ZDHHC18: variants seen among roughly 807,000 people sequenced by gnomAD.
ZDHHC18 encodes zDHHC palmitoyltransferase 18.
A neutral mutation model predicts 37.5 loss-of-function variants in ZDHHC18; 23 were observed. The ratio of observed to expected loss-of-function variants is 0.61; its 90% CI spans 0.44 to 0.87. The LOEUF is 0.87. ZDHHC18 is among the 40% of genes least tolerant of loss of function. The pLI is 0.00. For synonymous variants in ZDHHC18, 185 were observed against 218.7 expected, an observed-to-expected ratio of 0.85 and a Z score of 1.36; for missense variants, 406 against 525.6, an observed-to-expected ratio of 0.77 and a Z score of 2.22.
At chr1:26,840,501 C>CACAGTCATACCTCACT (rs1373338155) in intron 2 of ZDHHC18, among the ~76,000 whole-genome samples, 1 of 151,992 alleles carries the variant, frequency 6.6e-6, no homozygotes, top group African/African-American at 2.4e-5. Context: ...AGTGCAGTGG[C>CACAGTCATACCTCACT]GCGATTTCGG....
Position 26,855,292 on chromosome 1 carries a change from G to A in ZDHHC18, c.*1449G>A, listed in dbSNP as rs1275769090. The A allele has an allele frequency of 2.6e-5, 4 of 152,436 alleles. No homozygotes were observed. Among genetic ancestry groups the A allele is most frequent in the Non-Finnish European group, 5.9e-5 (4 of 68,166 alleles). The allele number at this position is 152,436 out of a possible 1,614,324, so 9.4% of individuals were successfully genotyped here. ...TCTGCCAAACGGGGACCTCCATCCA[G>A]AGAAAAGGAAGAAGGTGCAGGGTGG... On this transcript the variant is annotated 3_prime_UTR_variant, in exon 8 of 8. Coordinates refer to ENST00000374142, the MANE Select transcript of ZDHHC18 (RefSeq NM_032283.3).
intron 2 of ZDHHC18, among the ~76,000 whole-genome samples, chr1:26,842,996 C>G (rs969991688): frequency 2.6e-5 from 4 of 152,198 alleles, no homozygotes; most frequent in Admixed American, 1.3e-4. Context: ...TTCAGGTTCT[C>G]TGTGCCCTGG....
At chr1:26,833,536 C>T (rs569255560) in intron 2 of ZDHHC18, among the ~76,000 whole-genome samples, 5 of 152,180 alleles carry the variant, frequency 3.3e-5, no homozygotes, top group African/African-American at 9.6e-5. Context: ...ACAGCCTGGG[C>T]GTGTGTGAGG....
chr1:26,857,421 T>G lies in ZDHHC18; in HGVS notation c.*3578T>G, dbSNP rs760089. On this transcript the variant is annotated 3_prime_UTR_variant, in exon 8 of 8. Transcript: ENST00000374142. Reference sequence around the variant, plus strand: ...GTAGGATGTAGGGAGGGTGCGTGCCTCCTTTGCTCTAGGCACTGAGGGACC... The same window carrying G: ...GTAGGATGTAGGGAGGGTGCGTGCCGCCTTTGCTCTAGGCACTGAGGGACC... 1 of 152,080 alleles carries G rather than the reference T, an allele frequency of 6.6e-6. No individual in the cohort carries two copies. The highest frequency in any genetic ancestry group is 2.4e-5 in the African/African-American group (1 of 41,362). 9.4% of individuals were successfully genotyped at this position (152,080 alleles called of 1,614,324 possible).
At chr1:26,842,642 C>A (rs1362174443) in intron 2 of ZDHHC18, among the ~76,000 whole-genome samples, 2 of 152,226 alleles carry the variant, frequency 1.3e-5, no homozygotes, top group Non-Finnish European at 2.9e-5. Flanking sequence ...AAATCCCCCA[C>A]CCTTCTTCAT....
chr1:26,837,284 T>C (rs1191123871), intron 2 of ZDHHC18, among the ~76,000 whole-genome samples: 1 of 146,878 alleles, frequency 6.8e-6, no homozygotes, highest in Admixed American at 6.8e-5. Flanking sequence ...ATATAAAATA[T>C]ACATTTATAT....
chr1:26,830,664 C>T (rs899098795), intron 1 of ZDHHC18, among the ~76,000 whole-genome samples: 3 of 152,142 alleles, frequency 2.0e-5, no homozygotes, highest in East Asian at 1.9e-4. Flanking sequence ...AGTTATTTAC[C>T]GGGTACGTCC....
At chr1:26,827,719 C>A (rs532070582) in intron 1 of ZDHHC18, among the ~76,000 whole-genome samples, 132 of 152,310 alleles carry the variant, frequency 8.7e-4, no homozygotes, top group African/African-American at 3.1e-3. Flanking sequence ...GACACCAACC[C>A]CGCTTTTGCT....
chr1:26,842,102 C>T (rs529630599), intron 2 of ZDHHC18, among the ~76,000 whole-genome samples: 178 of 151,144 alleles, frequency 1.2e-3, no homozygotes, highest in Admixed American at 3.0e-3. Flanking sequence ...CCACTGCACT[C>T]CAGCCTGGGC....
At chr1:26,837,052 T>C (rs2081615210) in intron 2 of ZDHHC18, among the ~76,000 whole-genome samples, 1 of 147,578 alleles carries the variant, frequency 6.8e-6, no homozygotes, top group South Asian at 2.1e-4. Flanking sequence ...ATCGAGACCA[T>C]CCTGGCTAAC....
intron 5 of ZDHHC18, 33 bp from the exon 6 acceptor site, chr1:26,851,096 C>T (rs760500948): frequency 6.3e-7 from 1 of 1,594,376 alleles, no homozygotes; most frequent in East Asian, 2.2e-5. Context: ...GGCTCCCCAC[C>T]CTCCACCCAT....
chr1:26,845,734 C>G (rs1311448547), intron 2 of ZDHHC18, among the ~76,000 whole-genome samples: 1 of 151,856 alleles, frequency 6.6e-6, no homozygotes, highest in African/African-American at 2.4e-5. Context: ...TGCAGTTTAT[C>G]AAATTGCTCT....
At chr1:26,835,539 A>G (rs907002268) in intron 2 of ZDHHC18, among the ~76,000 whole-genome samples, 2 of 152,142 alleles carry the variant, frequency 1.3e-5, no homozygotes, top group African/African-American at 4.8e-5. Flanking sequence ...TGTCTCTAGT[A>G]AAAATACAAA....
At position 26,850,935 on chromosome 1, in the gene ZDHHC18, CTT is replaced by C. The variant is rs1414126217; in HGVS notation, c.834-193_834-192del. Among the ~76,000 whole-genome samples the C allele has an allele frequency of 3.9e-5, 6 of 152,296 alleles. No individual in the cohort carries two copies. The highest frequency in any genetic ancestry group is 1.3e-4 in the Admixed American group (2 of 15,300). On this transcript the variant is annotated intron_variant, in intron 5 of 7. Transcript: ENST00000374142. The surrounding 1 kb of genome is among the most constrained non-coding windows in gnomAD (Gnocchi z 6.1). The stretch of plus-strand genomic sequence containing the variant: ...TCCATCACCCTGACCTTGTCTGGCT[CTT>C]GAGTGGGGTCCTGACCCTTCCGAGG...
At chr1:26,853,335 CCA>C in intron 7 of ZDHHC18, 1 of 264,276 alleles carries the variant, frequency 3.8e-6, no homozygotes, top group Non-Finnish European at 7.4e-6. Context: ...CAAGTCATTC[CCA>C]CACAGTCATG....
rs544659373 is a variant in ZDHHC18, at chr1:26,832,697, T to C, written c.496+90T>C. ...GGCCTGGTTTTCTCTTCCAAAACTA[T>C]ACTAGGAACTGGGGATGCAGTCGTG... On this transcript the variant is annotated intron_variant, in intron 2 of 7. Coordinates refer to ENST00000374142, the MANE Select transcript of ZDHHC18 (RefSeq NM_032283.3). 1.6e-4 allele frequency: 235 copies of C among 1,490,872 alleles called. 1 individual carries two copies. The African/African-American group carries it at 3.1e-3, about 19-fold the overall frequency. 92.4% of individuals were successfully genotyped at this position (1,490,872 alleles called of 1,614,324 possible).
At chr1:26,830,111 G>A (rs1305734061) in intron 1 of ZDHHC18, among the ~76,000 whole-genome samples, 1 of 152,246 alleles carries the variant, frequency 6.6e-6, no homozygotes, top group Non-Finnish European at 1.5e-5. Flanking sequence ...GAAGGCCAGA[G>A]CATCTGATGA....
chr1:26,842,088 C>A (rs932304659), intron 2 of ZDHHC18, among the ~76,000 whole-genome samples: 2 of 150,576 alleles, frequency 1.3e-5, no homozygotes, highest in African/African-American at 2.5e-5. Context: ...GAGCCAAGAT[C>A]GCGCCACTGC....
In ZDHHC18 at chr1:26,850,411, G is replaced by A. The variant is rs143112970; in HGVS notation, c.757G>A (p.Ala253Thr). Residue 253 changes from alanine to threonine, a missense_variant, in exon 4 of 8, where the codon GCC becomes ACC. Physicochemically the swap from Ala to Thr is moderately conservative, Grantham distance 58. Coordinates refer to ENST00000374142, the MANE Select transcript of ZDHHC18 (RefSeq NM_032283.3). This position sits in a 1 kb window ranked among gnomAD's most constrained non-coding sequence, Gnocchi z 6.1. The stretch of plus-strand genomic sequence containing the variant: ...CTCATTCCTGACGGCCTTCATCTTC[G>A]CCTGTGTGGTCACCCACCTGACGTT... ...SLSFLTAFIF[A>T]CVVTHLTLRA... 2.3e-4 allele frequency: 376 copies of A among 1,614,064 alleles called. 2 individuals carry two copies. Among genetic ancestry groups the A allele is most frequent in the South Asian group, 3.2e-4 (29 of 91,088 alleles).
Sources: gnomAD v4.1 joint callset for allele counts (sites outside exome capture counted in the v4.1 genomes callset) on GRCh38, gnomAD v4.1.1 for gene constraint, Gnocchi (gnomAD v3.1) non-coding constraint, MANE v1.5 for transcripts, NCBI Gene and HGNC (gene_info 2026-07-23, HGNC 2026-07-21) for gene names.